The following DOC2B variants were observed in gnomAD, a reference collection of about 807,000 sequenced individuals.
DOC2B encodes double C2 domain beta.
In DOC2B, 21 loss-of-function variants were observed where a neutral mutation model predicts 28.9. That is an observed-to-expected ratio of 0.73 (90% confidence interval 0.52 to 1.05). The LOEUF is 1.05. DOC2B is among the 50% of genes least tolerant of loss of function. The pLI, the probability that DOC2B is intolerant of heterozygous loss-of-function variation, is 0.00. For synonymous variants in DOC2B, 194 were observed against 178.1 expected (o/e 1.09, Z -0.71); for missense variants, 384 against 421.1 (o/e 0.91, Z 0.77).
At chr17:178,408 G>C (rs1201332592) in intron 1 of DOC2B, among the ~76,000 whole-genome samples, 1 of 152,248 alleles carries the variant, frequency 6.6e-6, no homozygotes, top group Admixed American at 6.5e-5. Flanking sequence ...TGCAACCCAT[G>C]GCACTCTAGT....
At chr17:166,112 A>C (rs2151470178) in intron 2 of DOC2B, among the ~76,000 whole-genome samples, 1 of 152,232 alleles carries the variant, frequency 6.6e-6, no homozygotes, top group South Asian at 2.1e-4. Flanking sequence ...GACTGTGACG[A>C]GGCCCCTGCT....
rs2040441019 is a variant in DOC2B, at chr17:181,365, G to T, written c.115C>A (p.Arg39Ser). ...PIKQISDYFP[R>S]FPRGLPPDAG... The stretch of plus-strand genomic sequence containing the variant: ...TCCGGGGGCAGGCCCCGCGGGAAGC[G>T]GGGGAAGTAGTCGGAGATCTGCTTG... Residue 39 changes from arginine to serine, a missense_variant, in exon 1 of 9, where the codon CGC (arginine) becomes AGC (serine). Transcript: ENST00000613549. The surrounding 1 kb of genome is among the most constrained non-coding windows in gnomAD (Gnocchi z 7.0). 2.5e-5 allele frequency: 28 copies of T among 1,134,048 alleles called. No homozygotes were observed. The highest frequency in any genetic ancestry group is 3.0e-5 in the Non-Finnish European group (28 of 923,798). The allele number at this position is 1,134,048 out of a possible 1,614,324, so 70.2% of individuals were successfully genotyped here.
intron 6 of DOC2B, among the ~76,000 whole-genome samples, chr17:150,663 G>C (rs886392310): frequency 4.6e-5 from 7 of 152,194 alleles, no homozygotes; most frequent in African/African-American, 1.7e-4. Flanking sequence ...ACTAGAAAAT[G>C]CATGTGGACA....
At chr17:178,777 T>C (rs1597838413) in intron 1 of DOC2B, among the ~76,000 whole-genome samples, 1 of 152,248 alleles carries the variant, frequency 6.6e-6, no homozygotes, top group East Asian at 1.9e-4. Flanking sequence ...ACCGCCCTCA[T>C]TTCTTTTTGT....
Position 144,197 on chromosome 17 carries a change from C to T in DOC2B, c.*3244G>A, listed in dbSNP as rs2040003933. 6.6e-6 allele frequency: 1 copy of T among 152,290 alleles called. No individual in the cohort carries two copies. 9.4% of individuals were successfully genotyped at this position (152,290 alleles called of 1,614,324 possible). On this transcript the variant is annotated 3_prime_UTR_variant, in exon 9 of 9. Transcript: ENST00000613549. The stretch of plus-strand genomic sequence containing the variant: ...CCTGTCTTTGTGGGGATGATGGACC[C>T]GAGTAAAGATGCCCATTCGGGGTCA...
chr17:154,710 C>A (rs1178848823), intron 6 of DOC2B, among the ~76,000 whole-genome samples: 1 of 152,008 alleles, frequency 6.6e-6, no homozygotes, highest in Non-Finnish European at 1.5e-5. Context: ...AGTGGCCATC[C>A]CATTATTCTC....
chr17:147,850 C>T (rs951810999), intron 8 of DOC2B, among the ~76,000 whole-genome samples: 17 of 152,198 alleles, frequency 1.1e-4, no homozygotes, highest in South Asian at 2.1e-4. Flanking sequence ...GAGAAAGGGC[C>T]GGGCAGCCCC....
At chr17:155,604 CTGTAG>C (rs1555522335) in intron 6 of DOC2B, among the ~76,000 whole-genome samples, 5 of 152,194 alleles carry the variant, frequency 3.3e-5, no homozygotes, top group Non-Finnish European at 5.9e-5. Flanking sequence ...ACTGTGGCAC[CTGTAG>C]CACCCTCTCC....
chr17:158,300 C>A (rs1255883268), intron 5 of DOC2B, among the ~76,000 whole-genome samples: 3 of 152,108 alleles, frequency 2.0e-5, no homozygotes, highest in Non-Finnish European at 4.4e-5. Flanking sequence ...CCCACCCACA[C>A]ACGCCCAGCT....
intron 5 of DOC2B, among the ~76,000 whole-genome samples, chr17:159,283 G>C (rs995173617): frequency 6.6e-6 from 1 of 151,900 alleles, no homozygotes; most frequent in African/African-American, 2.4e-5. Flanking sequence ...TGGAGGTCAG[G>C]AGTTTGAGAC....
At position 155,924 on chromosome 17, in the gene DOC2B, G is replaced by A. The variant is rs1293624315; in HGVS notation, c.923+296C>T. On this transcript the variant is annotated intron_variant, in intron 6 of 8. Coordinates refer to ENST00000613549, the MANE Select transcript of DOC2B (RefSeq NM_003585.5). Reference sequence around the variant, plus strand: ...CTTCTGTCCCCTCCTGCAACTCATGGCCCCTCCTGGGCCCCTCAGTCACAG... The same window carrying A: ...CTTCTGTCCCCTCCTGCAACTCATGACCCCTCCTGGGCCCCTCAGTCACAG... 3.3e-5 allele frequency: 13 copies of A among 390,028 alleles called. No individual in the cohort carries two copies. In the East Asian group the frequency reaches 5.6e-4, roughly 17 times the overall value. The allele number at this position is 390,028 out of a possible 1,614,324, so 24.2% of individuals were successfully genotyped here. A position where few individuals can be genotyped will look rare whatever the true frequency, so the allele number is the denominator to read the frequency against.
chr17:148,359 G>A (rs1199598447), intron 7 of DOC2B, 90 bp from the exon 8 acceptor site: 1 of 397,872 alleles, frequency 2.5e-6, no homozygotes, highest in African/African-American at 2.1e-5. Context: ...GGACAGAGGA[G>A]GGATGGGGGT....
chr17:170,247 T>C (rs891633462), intron 2 of DOC2B, among the ~76,000 whole-genome samples: 2 of 152,140 alleles, frequency 1.3e-5, no homozygotes, highest in African/African-American at 4.8e-5. Flanking sequence ...CAGGCAGGGC[T>C]GGACATGCCC....
chr17:181,471 G>T lies in DOC2B; in HGVS notation c.9C>A (p.Leu3=). 3.6e-6 allele frequency: 4 copies of T among 1,109,132 alleles called. No homozygotes were observed. Among genetic ancestry groups the T allele is most frequent in the Non-Finnish European group, 4.4e-6 (4 of 901,176 alleles). The allele number at this position is 1,109,132 out of a possible 1,614,324, so 68.7% of individuals were successfully genotyped here. A position where few individuals can be genotyped will look rare whatever the true frequency, so the allele number is the denominator to read the frequency against. Residue 3 remains leucine (L), a synonymous_variant, in exon 1 of 9, where the codon CTC becomes CTA. Coordinates refer to ENST00000613549, the MANE Select transcript of DOC2B (RefSeq NM_003585.5). The surrounding 1 kb of genome is among the most constrained non-coding windows in gnomAD (Gnocchi z 7.0). The stretch of plus-strand genomic sequence containing the variant: ...TGGTCGCCTTCTCCCCGCGCCGCCG[G>T]AGGGTCATGCAGGCAGCGCCGCCCC... The part of the protein sequence containing the change: MT[L]RRRGEKATIS...
At position 147,499 on chromosome 17, in the gene DOC2B, C is replaced by G; in HGVS notation, c.1181G>C (p.Arg394Pro). 2.5e-6 allele frequency: 1 copy of G among 398,818 alleles called. No individual in the cohort carries two copies. Among genetic ancestry groups the G allele is most frequent in the Non-Finnish European group, 4.4e-6 (1 of 226,192 alleles). The allele number at this position is 398,818 out of a possible 1,614,324, so 24.7% of individuals were successfully genotyped here. The change falls in exon 9 of 9, where the codon CGC (arginine) becomes CCC (proline). Residue 394 changes from arginine to proline, a missense_variant. Physicochemically the swap from Arg to Pro is moderately radical, Grantham distance 103. Transcript: ENST00000613549. ...WFDCLKNKDK[R>P]IERWHTLTSE... ...GGTGAGCGTGTGCCAGCGCTCGATG[C>G]GCTTGTCCTTGTTCTTCAGGCAGTC...
At chr17:159,115 G>A (rs951298729) in intron 5 of DOC2B, among the ~76,000 whole-genome samples, 4 of 151,556 alleles carry the variant, frequency 2.6e-5, no homozygotes, top group Admixed American at 1.3e-4. Context: ...ATTGTACTTC[G>A]GGTTGTTTCA....
rs765879910 is a variant in DOC2B at position 172,526 on chromosome 17, G to A, written c.453+11C>T. 41 of 1,549,874 alleles carry A rather than the reference G, an allele frequency of 2.6e-5. 2 individuals carry two copies. The South Asian group carries it at 4.4e-4, about 17-fold the overall frequency. The stretch of plus-strand genomic sequence containing the variant: ...GGGCAGGGAATTTGGGGGCAGGCTG[G>A]CGGGGCCTACCTTGGCCTTGGTGAT... On this transcript the variant is annotated intron_variant, in intron 2 of 8. Transcript: ENST00000613549.
chr17:156,267 G>A lies in DOC2B; in HGVS notation c.876C>T (p.His292=). Residue 292 remains histidine (H), a synonymous_variant, in exon 6 of 9, where the codon CAC becomes CAT. Transcript: ENST00000613549. ...GLLVGIVRCA[H]LAAMDANGYS... ...AGCCGTTGGCGTCCATGGCGGCCAGGTGGGCGCACCGCACGATGCCTACCA... is the reference window on the plus strand; with the variant it reads ...AGCCGTTGGCGTCCATGGCGGCCAGATGGGCGCACCGCACGATGCCTACCA... The A allele has an allele frequency of 6.4e-7, 1 of 1,551,758 alleles. No individual in the cohort carries two copies. The highest frequency in any genetic ancestry group is 8.7e-7 in the Non-Finnish European group (1 of 1,147,126).
rs1555522409 is a variant in DOC2B, at chr17:156,012, C to A, written c.923+208G>T. The stretch of plus-strand genomic sequence containing the variant: ...TGCATGACCCTGGGAAGCCACTCAG[C>A]TTCTCTGTCCCTCAGTTTCCCCATC... On this transcript the variant is annotated intron_variant, in intron 6 of 8. Transcript: ENST00000613549. 8.6e-6 allele frequency: 5 copies of A among 583,304 alleles called. No homozygotes were observed. In the African/African-American group the frequency reaches 9.5e-5, roughly 11 times the overall value. 36.1% of individuals were successfully genotyped at this position (583,304 alleles called of 1,614,324 possible). A position where few individuals can be genotyped will look rare whatever the true frequency, so the allele number is the denominator to read the frequency against.
Sources: allele counts gnomAD v4.1 joint callset (sites outside exome capture counted in the v4.1 genomes callset), GRCh38; gene constraint gnomAD v4.1.1; non-coding constraint Gnocchi (gnomAD v3.1); transcripts MANE v1.5; gene names NCBI Gene and HGNC (gene_info 2026-07-23, HGNC 2026-07-21).